Variants in LIMCH1 observed in about 807,000 individuals in gnomAD.
LIMCH1 encodes the protein LIM and calponin homology domains 1, also known as LIM and calponin homology domains-containing protein 1.
In LIMCH1, 113 loss-of-function variants were observed where a neutral mutation model predicts 176.5. The observed-to-expected ratio is 0.64, with a 90% CI of 0.55 to 0.75. The LOEUF (loss-of-function observed/expected upper bound fraction) is 0.75, where lower values mean the gene tolerates loss of function less well. Ranked by LOEUF, LIMCH1 falls within the 30% of genes least tolerant of loss-of-function variation. The pLI is 0.00. For synonymous variants in LIMCH1, 619 were observed against 645.9 expected, an observed-to-expected ratio of 0.96 and a Z score of 0.63; for missense variants, 1,674 against 1,814.9, an observed-to-expected ratio of 0.92 and a Z score of 1.41.
At chr4:41,525,948 A>T (rs1349850860) in intron 3 of LIMCH1, among the ~76,000 whole-genome samples, 1 of 152,200 alleles carries the variant, frequency 6.6e-6, no homozygotes, top group African/African-American at 2.4e-5. Context: ...GAAAATCCAG[A>T]TGAGGAGAAA....
intron 1 of LIMCH1, among the ~76,000 whole-genome samples, chr4:41,487,865 G>A (rs953130773): frequency 6.6e-6 from 1 of 150,658 alleles, no homozygotes; most frequent in African/African-American, 2.4e-5. Context: ...TGTTAGCCAG[G>A]ATGGTCTCAA....
At chr4:41,415,976 C>CG (rs2059898787) in intron 1 of LIMCH1, among the ~76,000 whole-genome samples, 2 of 148,558 alleles carry the variant, frequency 1.3e-5, no homozygotes, top group African/African-American at 5.0e-5. Context: ...GACTCCGTCT[C>CG]GAAAAAAAAA....
chr4:41,374,762 C>T (rs746072957), intron 1 of LIMCH1, among the ~76,000 whole-genome samples: 1 of 152,192 alleles, frequency 6.6e-6, no homozygotes, highest in East Asian at 1.9e-4. Context: ...CCGTGCTGTG[C>T]ATTGTGTGGC....
chr4:41,545,187 A>G (rs2079196726), intron 1 of LIMCH1, among the ~76,000 whole-genome samples: 1 of 152,232 alleles, frequency 6.6e-6, no homozygotes, highest in African/African-American at 2.4e-5. Context: ...TTTAGCAAAA[A>G]TGAAATATTT....
chr4:41,607,140 A>G (rs902966343), intron 4 of LIMCH1, among the ~76,000 whole-genome samples: 1 of 152,218 alleles, frequency 6.6e-6, no homozygotes, highest in Non-Finnish European at 1.5e-5. Flanking sequence ...GAGGACAAAT[A>G]ATTGAGGCCT....
At position 41,666,534 on chromosome 4, in the gene LIMCH1, TATTTATA is replaced by T; in HGVS notation, c.3292-26_3292-20del. On this transcript the variant is annotated intron_variant, in intron 20 of 31. Coordinates refer to ENST00000503057, the MANE Select transcript of LIMCH1 (RefSeq NM_001330672.2). ...ATTTATCAATGGACAGTTCTTGCAA[TATTTATA>T]CCTGTTTTCCATTGTCCAGGTGGTA... 1.4e-6 allele frequency: 2 copies of T among 1,462,750 alleles called. No individual in the cohort carries two copies. Among genetic ancestry groups the T allele is most frequent in the Non-Finnish European group, 1.9e-6 (2 of 1,042,584 alleles). 90.6% of individuals were successfully genotyped at this position (1,462,750 alleles called of 1,614,324 possible). A position where few individuals can be genotyped will look rare whatever the true frequency, so the allele number is the denominator to read the frequency against.
intron 1 of LIMCH1, among the ~76,000 whole-genome samples, chr4:41,596,005 G>A (rs1249471075): frequency 6.8e-6 from 1 of 147,312 alleles, no homozygotes; most frequent in Non-Finnish European, 1.5e-5. Flanking sequence ...AGCCGAGATT[G>A]CATACTGCAC....
At chr4:41,374,545 T>C (rs1023357443) in intron 1 of LIMCH1, among the ~76,000 whole-genome samples, 1 of 144,936 alleles carries the variant, frequency 6.9e-6, no homozygotes, top group Non-Finnish European at 1.5e-5. Flanking sequence ...TGTGTGTGTG[T>C]TTAATAATTT....
intron 1 of LIMCH1, among the ~76,000 whole-genome samples, chr4:41,595,097 T>A (rs765941208): frequency 2.6e-5 from 4 of 152,164 alleles, no homozygotes; most frequent in Non-Finnish European, 4.4e-5. Flanking sequence ...TGTTCCTGAA[T>A]GGTAGAATTG....
intron 1 of LIMCH1, among the ~76,000 whole-genome samples, chr4:41,439,488 G>A (rs149818728): frequency 2.1e-4 from 32 of 152,260 alleles, no homozygotes; most frequent in Non-Finnish European, 4.0e-4. Context: ...GGAAGCTGAA[G>A]TTGGAGGATT....
rs937397872 is a variant in LIMCH1 at position 41,646,154 on chromosome 4, G to A, written c.2285G>A (p.Ser762Asn). The change falls in exon 16 of 32, where the codon AGT becomes AAT. Residue 762 changes from serine to asparagine, a missense_variant. Physicochemically the swap from Ser to Asn is conservative, Grantham distance 46. This residue lies in a region of LIMCH1 where 1,015 missense variants were observed against 1,102.5 expected (regional missense o/e 0.92). Transcript: ENST00000503057. The stretch of plus-strand genomic sequence containing the variant: ...GCTCGTTGGAAGAGTCGTAGAAGAA[G>A]TGTTTCTCAGGACTTAATCAAGAAA... ...DLARWKSRRR[S>N]VSQDLIKKEE... 37 of 1,613,220 alleles carry A rather than the reference G, an allele frequency of 2.3e-5. No homozygotes were observed. The highest frequency in any genetic ancestry group is 2.9e-5 in the Non-Finnish European group (34 of 1,179,902).
intron 1 of LIMCH1, among the ~76,000 whole-genome samples, chr4:41,379,614 G>A (rs921496037): frequency 1.3e-5 from 2 of 152,074 alleles, no homozygotes; most frequent in Non-Finnish European, 2.9e-5. Context: ...GTGGCTACAC[G>A]ATCAATATGT....
intron 1 of LIMCH1, among the ~76,000 whole-genome samples, chr4:41,422,494 G>T (rs1334299393): frequency 6.6e-6 from 1 of 151,300 alleles, no homozygotes; most frequent in East Asian, 2.0e-4. Context: ...GGCCAGGTAT[G>T]GTATCACCTT....
At chr4:41,567,194 G>A (rs1312399586) in intron 1 of LIMCH1, among the ~76,000 whole-genome samples, 7 of 152,138 alleles carry the variant, frequency 4.6e-5, no homozygotes, top group African/African-American at 1.7e-4. Flanking sequence ...ACCCTGTCTC[G>A]TCACTTGCTG....
At chr4:41,673,073 G>A (rs1560324581) in intron 22 of LIMCH1, among the ~76,000 whole-genome samples, 1 of 152,100 alleles carries the variant, frequency 6.6e-6, no homozygotes, top group Non-Finnish European at 1.5e-5. Flanking sequence ...TAGGTAAATT[G>A]TCTCACTTAG....
intron 31 of LIMCH1, among the ~76,000 whole-genome samples, chr4:41,696,358 C>T (rs1730635660): frequency 6.6e-6 from 1 of 152,128 alleles, no homozygotes; most frequent in South Asian, 2.1e-4. Context: ...AATGCAAACT[C>T]CCTGGGGTCT....
chr4:41,393,542 G>A (rs1194422276), intron 1 of LIMCH1, among the ~76,000 whole-genome samples: 1 of 152,190 alleles, frequency 6.6e-6, no homozygotes, highest in African/African-American at 2.4e-5. Flanking sequence ...GTGTGTTCCA[G>A]TTACTCATGT....
intron 2 of LIMCH1, among the ~76,000 whole-genome samples, chr4:41,510,669 A>G (rs1218749072): frequency 6.6e-6 from 1 of 151,968 alleles, no homozygotes; most frequent in Non-Finnish European, 1.5e-5. Context: ...GCTTGCTGCA[A>G]CCTCTGCCTC....
chr4:41,561,591 C>A (rs1239326557), intron 1 of LIMCH1, among the ~76,000 whole-genome samples: 3 of 152,074 alleles, frequency 2.0e-5, no homozygotes, highest in African/African-American at 7.2e-5. Flanking sequence ...TGTGCCTTAT[C>A]TCATATGAAA....
Sources: allele counts gnomAD v4.1 joint callset (sites outside exome capture counted in the v4.1 genomes callset), GRCh38; gene constraint gnomAD v4.1.1; regional missense constraint gnomAD v4.1.1; transcripts MANE v1.5; gene names NCBI Gene and HGNC (gene_info 2026-07-23, HGNC 2026-07-21).